The following PIAS1 variants were observed in gnomAD, a reference collection of about 807,000 sequenced individuals.
PIAS1 encodes E3 SUMO-protein ligase PIAS1.
Under a neutral mutation model 71.3 loss-of-function variants are expected in PIAS1, and 6 were observed. The ratio of observed to expected loss-of-function variants is 0.08; its 90% CI spans 0.05 to 0.17. PIAS1 has a LOEUF of 0.17. Among genes scored for constraint, PIAS1 ranks in the 10% least tolerant of loss-of-function variants. The pLI is 1.00. For synonymous variants in PIAS1, 303 were observed against 292.9 expected, an observed-to-expected ratio of 1.03 and a Z score of -0.35; for missense variants, 555 against 793.6, an observed-to-expected ratio of 0.70 and a Z score of 3.61.
chr15:68,151,329 C>A (rs1179681697), intron 6 of PIAS1, among the ~76,000 whole-genome samples: 2 of 151,908 alleles, frequency 1.3e-5, no homozygotes, highest in African/African-American at 4.8e-5. Context: ...AGTGAGCATA[C>A]CTTTTCACTG....
intron 1 of PIAS1, among the ~76,000 whole-genome samples, chr15:68,057,266 A>T (rs1259914494): frequency 6.6e-6 from 1 of 152,192 alleles, no homozygotes; most frequent in East Asian, 1.9e-4. Flanking sequence ...TTAATTTTTC[A>T]TTAGGGGAGT....
chr15:68,084,098 T>C (rs2092256169), intron 1 of PIAS1, among the ~76,000 whole-genome samples: 1 of 152,168 alleles, frequency 6.6e-6, no homozygotes, highest in Admixed American at 6.5e-5. Context: ...AGGAAAATGA[T>C]ACATCTGCAT....
At position 68,142,726 on chromosome 15, in the gene PIAS1, A is replaced by G. The variant is rs191424746; in HGVS notation, c.602+389A>G. Among the ~76,000 whole-genome samples, 28 of 149,806 alleles carry G rather than the reference A, an allele frequency of 1.9e-4. No individual in the cohort carries two copies. In the East Asian group the frequency reaches 5.1e-3, roughly 27 times the overall value. On this transcript the variant is annotated intron_variant, in intron 4 of 13. Transcript: ENST00000249636. ...GTTGGTTGAGAAGCTCCAGCTAATG[A>G]TATCTTACAATATCATATCAAGTTT...
chr15:68,063,607 TTTA>T (rs1478944428), intron 1 of PIAS1, among the ~76,000 whole-genome samples: 1 of 152,206 alleles, frequency 6.6e-6, no homozygotes, highest in Non-Finnish European at 1.5e-5. Flanking sequence ...TGTGTGTATA[TTTA>T]TTTAAATATT....
At chr15:68,058,099 A>C (rs2091915697) in intron 1 of PIAS1, among the ~76,000 whole-genome samples, 1 of 152,204 alleles carries the variant, frequency 6.6e-6, no homozygotes, top group Non-Finnish European at 1.5e-5. Context: ...AACCAGGGAT[A>C]AGAAAATAAA....
At chr15:68,151,938 A>ATT (rs1567065720) in intron 6 of PIAS1, among the ~76,000 whole-genome samples, 40 of 37,368 alleles carry the variant, frequency 1.1e-3, no homozygotes, top group African/African-American at 3.0e-3. Flanking sequence ...AAAATTTAGG[A>ATT]ATTTTTTTTT....
At chr15:68,122,096 T>G (rs1213036948) in intron 2 of PIAS1, among the ~76,000 whole-genome samples, 2 of 152,152 alleles carry the variant, frequency 1.3e-5, no homozygotes, top group African/African-American at 2.4e-5. Context: ...GCCACTGCAC[T>G]CCTGCCTGGG....
intron 2 of PIAS1, among the ~76,000 whole-genome samples, chr15:68,100,437 A>T (rs1319830537): frequency 1.9e-4 from 29 of 152,062 alleles, no homozygotes; most frequent in Admixed American, 1.8e-3. Context: ...CTCTAGCCCC[A>T]GTGGTTCATC....
At chr15:68,098,114 G>A (rs2092392043) in intron 2 of PIAS1, among the ~76,000 whole-genome samples, 1 of 152,136 alleles carries the variant, frequency 6.6e-6, no homozygotes, top group Non-Finnish European at 1.5e-5. Context: ...ACAACAAGGG[G>A]ATTGGGATGC....
At chr15:68,103,761 A>G (rs761506248) in intron 2 of PIAS1, among the ~76,000 whole-genome samples, 20 of 152,228 alleles carry the variant, frequency 1.3e-4, no homozygotes, top group African/African-American at 4.3e-4. Flanking sequence ...TTTCAAGTTC[A>G]TAAAGTTGTA....
chr15:68,103,896 A>G (rs940187009), intron 2 of PIAS1, among the ~76,000 whole-genome samples: 4 of 152,174 alleles, frequency 2.6e-5, no homozygotes, highest in African/African-American at 9.7e-5. Context: ...GCTAATATGA[A>G]TATTCGTGTA....
intron 2 of PIAS1, among the ~76,000 whole-genome samples, chr15:68,129,096 C>CTT (rs1465105033): frequency 6.6e-6 from 1 of 152,284 alleles, no homozygotes; most frequent in East Asian, 1.9e-4. Context: ...CAGGGTCTCT[C>CTT]TGTCACTCTG....
chr15:68,178,150 G>T lies in PIAS1; in HGVS notation c.1481+1496G>T, dbSNP rs1352675597. Among the ~76,000 whole-genome samples the T allele has an allele frequency of 6.6e-6, 1 of 152,170 alleles. No homozygotes were observed. Among genetic ancestry groups the T allele is most frequent in the Non-Finnish European group, 1.5e-5 (1 of 68,034 alleles). On this transcript the variant is annotated intron_variant, in intron 11 of 13. Transcript: ENST00000249636. This position sits in a 1 kb window ranked among gnomAD's most constrained non-coding sequence, Gnocchi z 4.2. ...CTGGGTATGGCACTGTGTGCCTGTT[G>T]TCCCAACTACTCGGAGGGCTGATGG... is the stretch of plus-strand genomic sequence containing the variant.
At chr15:68,066,330 A>C (rs903341727) in intron 1 of PIAS1, among the ~76,000 whole-genome samples, 2 of 151,824 alleles carry the variant, frequency 1.3e-5, no homozygotes, top group African/African-American at 4.8e-5. Flanking sequence ...GCTGGTCTTG[A>C]ACTGCTGACC....
At chr15:68,139,696 A>G (rs1224101356) in intron 2 of PIAS1, among the ~76,000 whole-genome samples, 2 of 152,212 alleles carry the variant, frequency 1.3e-5, no homozygotes, top group Non-Finnish European at 2.9e-5. Flanking sequence ...AAGATTTTAT[A>G]TAACATTTTA....
At position 68,171,616 on chromosome 15, in the gene PIAS1, A is replaced by G. The variant is rs1327995475; in HGVS notation, c.1009-2116A>G. On this transcript the variant is annotated intron_variant, in intron 8 of 13. Coordinates refer to ENST00000249636, the MANE Select transcript of PIAS1 (RefSeq NM_016166.3). The surrounding 1 kb of genome is among the most constrained non-coding windows in gnomAD (Gnocchi z 4.4). Reference sequence around the variant, plus strand: ...GCATTGCTCTAGTCTCAGTAAGTTTATAGCATGTTCAGTGTTCTATTTTTA... The same window carrying G: ...GCATTGCTCTAGTCTCAGTAAGTTTGTAGCATGTTCAGTGTTCTATTTTTA... Among the ~76,000 whole-genome samples the G allele has an allele frequency of 6.6e-6, 1 of 152,170 alleles. No individual in the cohort carries two copies. Among genetic ancestry groups the G allele is most frequent in the Non-Finnish European group, 1.5e-5 (1 of 68,020 alleles).
chr15:68,121,641 T>C (rs191407961), intron 2 of PIAS1, among the ~76,000 whole-genome samples: 13 of 152,230 alleles, frequency 8.5e-5, no homozygotes, highest in South Asian at 2.1e-4. Context: ...TTCCACAGGG[T>C]ATTCTCAGGT....
In PIAS1 at chr15:68,132,254, G is replaced by A. The variant is rs190817064; in HGVS notation, c.470-9692G>A. Reference sequence around the variant, plus strand: ...AGCACTTTGGGAGGCTGAGGCGGGCGGATCACGAGGTCAGGAGATTGAGAT... The same window carrying A: ...AGCACTTTGGGAGGCTGAGGCGGGCAGATCACGAGGTCAGGAGATTGAGAT... On this transcript the variant is annotated intron_variant, in intron 2 of 13. Coordinates refer to ENST00000249636, the MANE Select transcript of PIAS1 (RefSeq NM_016166.3). 2.4e-3 allele frequency among the ~76,000 whole-genome samples: 367 copies of A among 151,982 alleles called. 2 individuals are homozygous for A. The highest frequency in any genetic ancestry group is 4.2e-3 in the Admixed American group (64 of 15,260).
At position 68,067,084 on chromosome 15, in the gene PIAS1, T is replaced by A. The variant is rs144859210; in HGVS notation, c.24+12734T>A. On this transcript the variant is annotated intron_variant, in intron 1 of 13. Coordinates refer to ENST00000249636, the MANE Select transcript of PIAS1 (RefSeq NM_016166.3). ...TGCTTAATCTCCACTTTTAGATTTG[T>A]GCCTCACCCTTGATCTTAGTTCCAT... Among the ~76,000 whole-genome samples, 521 of 151,714 alleles carry A rather than the reference T, an allele frequency of 3.4e-3. 10 individuals carry two copies. Among genetic ancestry groups the A allele is most frequent in the African/African-American group, 0.012 (493 of 40,964 alleles).
Sources: gnomAD v4.1 joint callset for allele counts (sites outside exome capture counted in the v4.1 genomes callset) on GRCh38, gnomAD v4.1.1 for gene constraint, Gnocchi (gnomAD v3.1) non-coding constraint, MANE v1.5 for transcripts, NCBI Gene and HGNC (gene_info 2026-07-23, HGNC 2026-07-21) for gene names.